NEK11: variants seen among roughly 807,000 people sequenced by gnomAD.
NEK11 encodes the protein NIMA related kinase 11, also known as serine/threonine-protein kinase Nek11.
A neutral mutation model predicts 80.7 loss-of-function variants in NEK11; 72 were observed. The ratio of observed to expected loss-of-function variants is 0.89; its 90% CI spans 0.74 to 1.08. NEK11 has a LOEUF of 1.08. Among genes scored for constraint, NEK11 ranks in the 50% least tolerant of loss-of-function variants. The probability of loss-of-function intolerance (pLI) is 0.00; values close to 1 mark genes in which losing one functional copy is unlikely to be tolerated. For synonymous variants in NEK11, 251 were observed against 260.7 expected, an observed-to-expected ratio of 0.96 and a Z score of 0.36; for missense variants, 764 against 763.6, an observed-to-expected ratio of 1.00 and a Z score of -0.01.
intron 17 of NEK11, among the ~76,000 whole-genome samples, chr3:131,322,959 T>C (rs2096912170): frequency 2.0e-5 from 3 of 152,216 alleles, no homozygotes; most frequent in African/African-American, 7.2e-5. Context: ...TTGGAGATTA[T>C]ATGATCTAAC....
intron 17 of NEK11, among the ~76,000 whole-genome samples, chr3:131,312,620 G>A (rs2096793154): frequency 1.3e-5 from 2 of 151,956 alleles, no homozygotes; most frequent in South Asian, 4.2e-4. Flanking sequence ...TTATTGAATG[G>A]TCAGTCAACT....
At chr3:131,296,476 C>A (rs986694541) in intron 17 of NEK11, among the ~76,000 whole-genome samples, 4 of 152,112 alleles carry the variant, frequency 2.6e-5, no homozygotes, top group Non-Finnish European at 5.9e-5. Flanking sequence ...TTTAACATTT[C>A]TTGCAAGGCA....
At chr3:131,180,950 A>G (rs1330304333) in intron 14 of NEK11, among the ~76,000 whole-genome samples, 2 of 152,204 alleles carry the variant, frequency 1.3e-5, no homozygotes, top group Non-Finnish European at 1.5e-5. Flanking sequence ...GGCAATATTT[A>G]CAGTCTTTCT....
At chr3:131,218,682 C>T (rs372742819) in intron 14 of NEK11, among the ~76,000 whole-genome samples, 10 of 152,170 alleles carry the variant, frequency 6.6e-5, no homozygotes, top group Admixed American at 3.9e-4. Context: ...AGGGTGGGCT[C>T]TAAGCCAATC....
chr3:131,308,771 C>T (rs902055210), intron 17 of NEK11, among the ~76,000 whole-genome samples: 4 of 152,080 alleles, frequency 2.6e-5, no homozygotes, highest in African/African-American at 9.7e-5. Flanking sequence ...ACCTGTGCAT[C>T]ATCTAACGCA....
chr3:131,243,451 G>A lies in NEK11; in HGVS notation c.1576G>A (p.Ala526Thr). Residue 526 changes from alanine to threonine, a missense_variant, in exon 16 of 18, where the codon GCG (alanine) becomes ACG (threonine). Ala to Thr is a moderately conservative substitution (Grantham distance 58, BLOSUM62 0). Coordinates refer to ENST00000383366, the MANE Select transcript of NEK11 (RefSeq NM_024800.5). ...RTNQQDSDIEALARCLENVLG... is the reference protein window; with the variant it reads ...RTNQQDSDIETLARCLENVLG... ...ATTTTGACAGGACAGTGATATCGAA[G>A]CGTTGGCCAGGTGTTTGGAAAATGT... 3.7e-6 allele frequency: 6 copies of A among 1,612,826 alleles called. No homozygotes were observed. The South Asian group carries it at 5.5e-5, about 15-fold the overall frequency.
intron 16 of NEK11, among the ~76,000 whole-genome samples, chr3:131,245,785 A>G (rs2095592706): frequency 6.6e-6 from 1 of 151,174 alleles, no homozygotes; most frequent in Non-Finnish European, 1.5e-5. Flanking sequence ...CCCACTTTTT[A>G]TTCGAGTTAG....
intron 6 of NEK11, among the ~76,000 whole-genome samples, chr3:131,133,043 G>T (rs978498148): frequency 1.3e-5 from 2 of 151,930 alleles, no homozygotes; most frequent in Non-Finnish European, 2.9e-5. Context: ...ATAAATTGAG[G>T]TGTACAAATT....
At chr3:131,201,899 A>G (rs899192836) in intron 14 of NEK11, among the ~76,000 whole-genome samples, 2 of 152,090 alleles carry the variant, frequency 1.3e-5, no homozygotes, top group African/African-American at 4.8e-5. Context: ...CAGTGGCACA[A>G]TCTCTGCTCG....
At chr3:131,132,153 A>G (rs1235727011) in intron 5 of NEK11, among the ~76,000 whole-genome samples, 2 of 151,610 alleles carry the variant, frequency 1.3e-5, no homozygotes, top group Non-Finnish European at 2.9e-5. Context: ...ATTTTTTTTC[A>G]TTTTTATGTG....
At chr3:131,330,941 A>G (rs534943907) in intron 17 of NEK11, 4 of 150,902 alleles carry the variant, frequency 2.7e-5, no homozygotes, top group African/African-American at 9.7e-5. Context: ...GGGGGGCAAA[A>G]TCATCCTTTT....
intron 14 of NEK11, among the ~76,000 whole-genome samples, chr3:131,180,710 G>T (rs764076532): frequency 6.6e-6 from 1 of 152,124 alleles, no homozygotes. Flanking sequence ...ATTTTGAGAT[G>T]AATCATTATA....
intron 4 of NEK11, among the ~76,000 whole-genome samples, chr3:131,096,398 G>A (rs1033489240): frequency 3.9e-5 from 6 of 152,028 alleles, no homozygotes; most frequent in Non-Finnish European, 8.8e-5. Context: ...TGGTGTATAT[G>A]TATCATATTT....
intron 14 of NEK11, among the ~76,000 whole-genome samples, chr3:131,203,392 A>G (rs1310595752): frequency 2.8e-5 from 4 of 141,836 alleles, no homozygotes; most frequent in Admixed American, 7.1e-5. Context: ...GAACACATGG[A>G]CACAGGAAGG....
At chr3:131,237,755 A>G (rs2095455214) in intron 15 of NEK11, among the ~76,000 whole-genome samples, 1 of 152,140 alleles carries the variant, frequency 6.6e-6, no homozygotes, top group Admixed American at 6.5e-5. Context: ...CCTCAGTCCA[A>G]ATTAGCTCCT....
At chr3:131,039,290 A>G (rs2109563483) in intron 3 of NEK11, among the ~76,000 whole-genome samples, 1 of 152,338 alleles carries the variant, frequency 6.6e-6, no homozygotes. Flanking sequence ...AGAATTCTTA[A>G]TGGTTGATGA....
intron 4 of NEK11, among the ~76,000 whole-genome samples, chr3:131,091,605 A>G (rs2076742286): frequency 6.6e-6 from 1 of 152,382 alleles, no homozygotes; most frequent in Non-Finnish European, 1.5e-5. Flanking sequence ...TATAAAATGT[A>G]TAGAATTTAA....
intron 17 of NEK11, among the ~76,000 whole-genome samples, chr3:131,278,424 G>T (rs935785170): frequency 2.6e-5 from 4 of 152,226 alleles, no homozygotes; most frequent in African/African-American, 9.7e-5. Flanking sequence ...TGAATGGATA[G>T]ATGAATTGAT....
chr3:131,118,867 T>C (rs1415374816), intron 5 of NEK11, among the ~76,000 whole-genome samples: 1 of 152,146 alleles, frequency 6.6e-6, no homozygotes, highest in African/African-American at 2.4e-5. Flanking sequence ...TCTTTTTTCT[T>C]CTTTATTAGT....
Sources: allele counts gnomAD v4.1 joint callset (sites outside exome capture counted in the v4.1 genomes callset), GRCh38; gene constraint gnomAD v4.1.1; transcripts MANE v1.5; gene names NCBI Gene and HGNC (gene_info 2026-07-23, HGNC 2026-07-21).